OSBPL1A: variants seen among roughly 807,000 people sequenced by gnomAD.
The protein encoded by OSBPL1A is oxysterol-binding protein-related protein 1.
A neutral mutation model predicts 137.1 loss-of-function variants in OSBPL1A; 80 were observed. The observed-to-expected ratio is 0.58, with a 90% CI of 0.49 to 0.70. OSBPL1A has a LOEUF of 0.70. OSBPL1A is among the 30% of genes least tolerant of loss of function. The pLI, the probability that OSBPL1A is intolerant of heterozygous loss-of-function variation, is 0.00. For missense variants in OSBPL1A, 970 were observed against 1,129.4 expected (o/e 0.86, Z 2.02); for synonymous variants, 365 against 389.7 (o/e 0.94, Z 0.75).
Position 24,179,555 on chromosome 18 carries a change from G to A in OSBPL1A, c.1910+183C>T, listed in dbSNP as rs118135774. The stretch of plus-strand genomic sequence containing the variant: ...ATCTTTGCAATTATTTCTTATAATG[G>A]TACCTTTTATATATGTTTCAGTATT... On this transcript the variant is annotated intron_variant, in intron 20 of 27. Coordinates refer to ENST00000319481, the MANE Select transcript of OSBPL1A (RefSeq NM_080597.4). Among the ~76,000 whole-genome samples, 162 of 152,146 alleles carry A rather than the reference G, an allele frequency of 1.1e-3. 3 individuals carry two copies. The highest frequency in any genetic ancestry group is 7.7e-3 in the East Asian group (40 of 5,182).
chr18:24,391,953 T>C (rs1907390119), intron 1 of OSBPL1A, among the ~76,000 whole-genome samples: 1 of 152,050 alleles, frequency 6.6e-6, no homozygotes, highest in African/African-American at 2.4e-5. Flanking sequence ...CCTCCTGGGC[T>C]CAAGTGATCC....
At chr18:24,193,203 C>T (rs1706901678) in intron 18 of OSBPL1A, among the ~76,000 whole-genome samples, 1 of 152,108 alleles carries the variant, frequency 6.6e-6, no homozygotes, top group South Asian at 2.1e-4. Context: ...CAGAAACATG[C>T]AGGCTGGGCG....
intron 24 of OSBPL1A, among the ~76,000 whole-genome samples, chr18:24,169,545 T>C (rs558108704): frequency 6.6e-6 from 1 of 152,362 alleles, no homozygotes; most frequent in East Asian, 1.9e-4. Context: ...GGTGCTATTA[T>C]AGTGCCCGTG....
At chr18:24,223,683 C>T (rs958913828) in intron 17 of OSBPL1A, among the ~76,000 whole-genome samples, 3 of 152,120 alleles carry the variant, frequency 2.0e-5, no homozygotes, top group African/African-American at 7.2e-5. Flanking sequence ...TAACTACTGT[C>T]ATGATTATAG....
intron 17 of OSBPL1A, among the ~76,000 whole-genome samples, chr18:24,224,647 C>T (rs150147494): frequency 3.2e-4 from 48 of 152,304 alleles, no homozygotes; most frequent in African/African-American, 1.1e-3. Context: ...AACATTGCCA[C>T]TCATTCTTAA....
chr18:24,340,938 T>C (rs2091264439), intron 5 of OSBPL1A, among the ~76,000 whole-genome samples: 2 of 152,212 alleles, frequency 1.3e-5, no homozygotes, highest in African/African-American at 4.8e-5. Flanking sequence ...CTCATGTCTC[T>C]AATTTTCTAC....
chr18:24,396,238 A>AAAAG (rs1555662737), intron 1 of OSBPL1A, among the ~76,000 whole-genome samples: 3 of 151,170 alleles, frequency 2.0e-5, no homozygotes, highest in Non-Finnish European at 4.4e-5. Flanking sequence ...AAAAAAAAAA[A>AAAAG]AGAGACAGAG....
In OSBPL1A at chr18:24,388,415, C is replaced by A. The variant is rs530313401; in HGVS notation, c.-3+9240G>T. ...TAATCCAGTCTCCCTGTAGGGAGGT[C>A]TACAGGCAATGCCTTACAAAAGGTA... On this transcript the variant is annotated intron_variant, in intron 1 of 27. Coordinates refer to ENST00000319481, the MANE Select transcript of OSBPL1A (RefSeq NM_080597.4). Among the ~76,000 whole-genome samples the A allele has an allele frequency of 4.6e-4, 70 of 152,148 alleles. No homozygotes were observed. The South Asian group carries it at 0.012, about 27-fold the overall frequency.
chr18:24,333,166 G>C, intron 6 of OSBPL1A, 80 bp from the exon 7 acceptor site: 2 of 1,487,036 alleles, frequency 1.3e-6, no homozygotes, highest in South Asian at 1.2e-5. Flanking sequence ...GGGTGTATCA[G>C]CAGAGCCCGA....
chr18:24,296,764 C>T (rs773152373), intron 14 of OSBPL1A, among the ~76,000 whole-genome samples: 1 of 152,000 alleles, frequency 6.6e-6, no homozygotes, highest in Non-Finnish European at 1.5e-5. Context: ...GAGATGATCA[C>T]ATGGTTTTTA....
intron 7 of OSBPL1A, chr18:24,321,852 T>G (rs1054624582): frequency 2.6e-6 from 1 of 384,596 alleles, no homozygotes; most frequent in Non-Finnish European, 5.1e-6. Flanking sequence ...TATTGCTAAG[T>G]TCTGGAGGAG....
chr18:24,200,537 G>A (rs2087187938), intron 17 of OSBPL1A, among the ~76,000 whole-genome samples: 1 of 150,666 alleles, frequency 6.6e-6, no homozygotes, highest in African/African-American at 2.4e-5. Context: ...ACTCCAGCCT[G>A]GGTGACAGAG....
chr18:24,210,637 C>T (rs1460509540), intron 17 of OSBPL1A, among the ~76,000 whole-genome samples: 2 of 151,776 alleles, frequency 1.3e-5, no homozygotes, highest in South Asian at 2.1e-4. Context: ...CAGGCTCAGG[C>T]AATCCTCCTG....
chr18:24,275,588 G>GT (rs1306915134), intron 15 of OSBPL1A, among the ~76,000 whole-genome samples: 8 of 152,332 alleles, frequency 5.3e-5, no homozygotes, highest in Admixed American at 5.2e-4. Context: ...TTGTAGAGCT[G>GT]TAAGTCCACA....
At chr18:24,377,597 C>A (rs1339938228) in intron 1 of OSBPL1A, 62 bp from the exon 2 acceptor site, 9 of 1,436,246 alleles carry the variant, frequency 6.3e-6, no homozygotes, top group Non-Finnish European at 8.4e-6. Context: ...TTAGATATCA[C>A]CTGCTAATAC....
At chr18:24,376,594 T>G (rs796177398) in intron 2 of OSBPL1A, among the ~76,000 whole-genome samples, 52 of 152,228 alleles carry the variant, frequency 3.4e-4, no homozygotes, top group African/African-American at 1.2e-3. Flanking sequence ...CCTCAGCCCT[T>G]GGGTGGTGGA....
chr18:24,227,800 G>A (rs758601993), intron 16 of OSBPL1A, among the ~76,000 whole-genome samples: 1 of 152,046 alleles, frequency 6.6e-6, no homozygotes, highest in Non-Finnish European at 1.5e-5. Context: ...GAAAAAAAAT[G>A]TAAAAAATCA....
At chr18:24,369,868 G>A (rs1022421220) in intron 2 of OSBPL1A, among the ~76,000 whole-genome samples, 4 of 152,134 alleles carry the variant, frequency 2.6e-5, no homozygotes, top group Non-Finnish European at 5.9e-5. Context: ...TTCTTCAGGT[G>A]GGGTCCCCCA....
intron 21 of OSBPL1A, among the ~76,000 whole-genome samples, chr18:24,176,943 C>A (rs763305907): frequency 6.6e-6 from 1 of 152,218 alleles, no homozygotes; most frequent in South Asian, 2.1e-4. Context: ...CACCAGGGGG[C>A]GCTTTCTCTC....
Sources: gnomAD v4.1 joint callset for allele counts (sites outside exome capture counted in the v4.1 genomes callset) on GRCh38, gnomAD v4.1.1 for gene constraint, MANE v1.5 for transcripts, NCBI Gene and HGNC (gene_info 2026-07-23, HGNC 2026-07-21) for gene names.